UVRAG: variants seen among roughly 807,000 people sequenced by gnomAD.
UVRAG encodes UV radiation resistance associated.
A neutral mutation model predicts 78.0 loss-of-function variants in UVRAG; 19 were observed. The observed-to-expected ratio is 0.24, with a 90% CI of 0.17 to 0.36. UVRAG has a LOEUF of 0.36. Ranked by LOEUF, UVRAG falls within the 10% of genes least tolerant of loss-of-function variation. The probability of loss-of-function intolerance (pLI) is 1.00; values close to 1 mark genes in which losing one functional copy is unlikely to be tolerated. For missense variants in UVRAG, 740 were observed against 853.8 expected, an observed-to-expected ratio of 0.87 and a Z score of 1.66; for synonymous variants, 323 against 324.6, an observed-to-expected ratio of 1.00 and a Z score of 0.05.
intron 14 of UVRAG, among the ~76,000 whole-genome samples, chr11:76,125,866 T>G (rs1026607510): frequency 6.6e-6 from 1 of 152,226 alleles, no homozygotes; most frequent in South Asian, 2.1e-4. Flanking sequence ...TCTTTTCTAA[T>G]TCAGATCTTA....
intron 7 of UVRAG, among the ~76,000 whole-genome samples, chr11:75,973,213 T>G (rs1033377329): frequency 6.6e-6 from 1 of 152,212 alleles, no homozygotes; most frequent in Non-Finnish European, 1.5e-5. Context: ...GAAGTTCCCC[T>G]CTTTTCCTAG....
intron 6 of UVRAG, among the ~76,000 whole-genome samples, chr11:75,939,322 A>G (rs1948437877): frequency 6.6e-6 from 1 of 152,068 alleles, no homozygotes; most frequent in African/African-American, 2.4e-5. Context: ...TGAAACTTGA[A>G]CCAATCTTAT....
At chr11:76,067,713 G>A (rs773665373) in intron 13 of UVRAG, among the ~76,000 whole-genome samples, 17 of 151,994 alleles carry the variant, frequency 1.1e-4, no homozygotes, top group African/African-American at 3.9e-4. Flanking sequence ...AGCTGAGATC[G>A]TGCCAGTGCA....
chr11:75,969,821 G>A (rs66918243), intron 7 of UVRAG, among the ~76,000 whole-genome samples: 30,628 of 151,938 alleles, frequency 0.2, 5,593 homozygotes, highest in African/African-American at 0.49. Flanking sequence ...TTGCTTCAAC[G>A]AGGCCATACC....
chr11:75,959,870 A>G (rs553786000), intron 6 of UVRAG, among the ~76,000 whole-genome samples: 1 of 152,246 alleles, frequency 6.6e-6, no homozygotes, highest in East Asian at 1.9e-4. Context: ...GCCTAATTTC[A>G]TTATTGTTGT....
At chr11:76,018,503 G>C (rs531713289) in intron 12 of UVRAG, among the ~76,000 whole-genome samples, 1 of 152,154 alleles carries the variant, frequency 6.6e-6, no homozygotes, top group African/African-American at 2.4e-5. Flanking sequence ...TCCACCTCCT[G>C]GGTTCAACAA....
At chr11:76,077,434 A>C (rs975238972) in intron 13 of UVRAG, among the ~76,000 whole-genome samples, 6 of 152,116 alleles carry the variant, frequency 3.9e-5, no homozygotes, top group African/African-American at 1.2e-4. Flanking sequence ...TGAAAGTGTA[A>C]ATTGATAAAA....
intron 12 of UVRAG, among the ~76,000 whole-genome samples, chr11:76,041,852 G>A (rs959234547): frequency 9.9e-5 from 15 of 152,148 alleles, no homozygotes; most frequent in African/African-American, 3.6e-4. Flanking sequence ...AGTTGCTCTT[G>A]CGATCTTTCA....
chr11:76,095,599 A>G (rs180993706), intron 13 of UVRAG, among the ~76,000 whole-genome samples: 7 of 151,318 alleles, frequency 4.6e-5, no homozygotes, highest in Admixed American at 4.0e-4. Context: ...TGGGTGTGGT[A>G]TCTCTTGCCT....
chr11:75,955,098 GA>G (rs1409466611), intron 6 of UVRAG, among the ~76,000 whole-genome samples: 2 of 152,144 alleles, frequency 1.3e-5, no homozygotes, highest in Non-Finnish European at 2.9e-5. Flanking sequence ...AATGAGACTG[GA>G]TGTGTCAGCA....
intron 1 of UVRAG, among the ~76,000 whole-genome samples, chr11:75,826,286 G>C (rs1038812697): frequency 5.3e-5 from 8 of 152,156 alleles, no homozygotes; most frequent in African/African-American, 1.9e-4. Context: ...CTCCAGAGTA[G>C]CTGATATTAC....
chr11:76,019,699 G>A (rs1164477461), intron 12 of UVRAG, among the ~76,000 whole-genome samples: 1 of 152,202 alleles, frequency 6.6e-6, no homozygotes, highest in Non-Finnish European at 1.5e-5. Context: ...CTCTCTCTAT[G>A]CTGAGCCATC....
chr11:76,081,259 A>C (rs1951488040), intron 13 of UVRAG, among the ~76,000 whole-genome samples: 1 of 151,864 alleles, frequency 6.6e-6, no homozygotes, highest in African/African-American at 2.4e-5. Flanking sequence ...AGGCTGGAGT[A>C]CAATGGCGCA....
chr11:76,015,509 AT>A (rs1307991428), intron 11 of UVRAG, among the ~76,000 whole-genome samples: 6 of 152,168 alleles, frequency 3.9e-5, no homozygotes, highest in Non-Finnish European at 8.8e-5. Flanking sequence ...AAGGAATGCA[AT>A]AGCATTTAAA....
chr11:76,105,707 C>T (rs1326706318), intron 13 of UVRAG, among the ~76,000 whole-genome samples: 1 of 152,138 alleles, frequency 6.6e-6, no homozygotes, highest in Non-Finnish European at 1.5e-5. Context: ...GTGGTCACAC[C>T]ACTGCACTCC....
chr11:76,030,958 G>A (rs1950425982), intron 12 of UVRAG, among the ~76,000 whole-genome samples: 1 of 152,142 alleles, frequency 6.6e-6, no homozygotes, highest in African/African-American at 2.4e-5. Context: ...TATTTTCAGG[G>A]TAGAAACTGC....
intron 12 of UVRAG, among the ~76,000 whole-genome samples, chr11:76,059,113 A>G (rs1383288752): frequency 6.6e-6 from 1 of 152,234 alleles, no homozygotes; most frequent in African/African-American, 2.4e-5. Context: ...TACTTAAAAG[A>G]AAATAATAAC....
At chr11:76,121,610 G>C (rs1390142528) in intron 14 of UVRAG, among the ~76,000 whole-genome samples, 1 of 152,144 alleles carries the variant, frequency 6.6e-6, no homozygotes, top group Non-Finnish European at 1.5e-5. Context: ...CTGTGAGTGG[G>C]CTGTGTGATG....
intron 12 of UVRAG, among the ~76,000 whole-genome samples, chr11:76,047,308 CA>C (rs1296563201): frequency 6.6e-6 from 1 of 152,166 alleles, no homozygotes; most frequent in Non-Finnish European, 1.5e-5. Context: ...TGTCCAATCC[CA>C]CCATCACTGG....
Sources: allele counts gnomAD v4.1 joint callset (sites outside exome capture counted in the v4.1 genomes callset), GRCh38; gene constraint gnomAD v4.1.1; transcripts MANE v1.5; gene names NCBI Gene and HGNC (gene_info 2026-07-23, HGNC 2026-07-21).